Variants in MACROD2 observed in about 807,000 individuals in gnomAD.
The protein encoded by MACROD2 is mono-ADP ribosylhydrolase 2.
In MACROD2, 36 loss-of-function variants were observed where a neutral mutation model predicts 70.4. The ratio of observed to expected loss-of-function variants is 0.51; its 90% CI spans 0.39 to 0.68. MACROD2 has a LOEUF of 0.68. Among genes scored for constraint, MACROD2 ranks in the 30% least tolerant of loss-of-function variants. The pLI is 0.00. For synonymous variants in MACROD2, 172 were observed against 178.8 expected (o/e 0.96, Z 0.30); for missense variants, 496 against 538.4 (o/e 0.92, Z 0.78).
At chr20:15,505,427 C>G (rs543975468) in intron 8 of MACROD2, among the ~76,000 whole-genome samples, 3 of 152,100 alleles carry the variant, frequency 2.0e-5, no homozygotes, top group Non-Finnish European at 4.4e-5. Flanking sequence ...TCTCCTCCTA[C>G]CATCAATTAT....
chr20:15,895,780 C>G (rs1457777094), intron 10 of MACROD2, among the ~76,000 whole-genome samples: 1 of 152,218 alleles, frequency 6.6e-6, no homozygotes, highest in African/African-American at 2.4e-5. Flanking sequence ...CAGATGTTCC[C>G]TGTAGATAAG....
chr20:15,054,288 T>C (rs1268606853), intron 5 of MACROD2, among the ~76,000 whole-genome samples: 1 of 152,210 alleles, frequency 6.6e-6, no homozygotes, highest in East Asian at 1.9e-4. Flanking sequence ...TAGCATTGCA[T>C]GCTACAGAGA....
chr20:14,870,526 T>C (rs1377720550), intron 5 of MACROD2, among the ~76,000 whole-genome samples: 1 of 152,142 alleles, frequency 6.6e-6, no homozygotes, highest in Non-Finnish European at 1.5e-5. Context: ...CACTCTGTCT[T>C]CCACAGTGGT....
intron 3 of MACROD2, among the ~76,000 whole-genome samples, chr20:14,176,682 A>T (rs1601315265): frequency 6.6e-6 from 1 of 152,134 alleles, no homozygotes; most frequent in Non-Finnish European, 1.5e-5. Flanking sequence ...GAAACTTTTA[A>T]TTATGTTTTA....
At chr20:15,378,159 A>C (rs2045589205) in intron 6 of MACROD2, among the ~76,000 whole-genome samples, 1 of 134,634 alleles carries the variant, frequency 7.4e-6, no homozygotes, top group African/African-American at 3.3e-5. Flanking sequence ...AAAAGAAGAG[A>C]GAGAGAGAGA....
At chr20:16,013,198 AAGTTACGTT>A (rs1482198579) in intron 15 of MACROD2, among the ~76,000 whole-genome samples, 1 of 152,134 alleles carries the variant, frequency 6.6e-6, no homozygotes, top group African/African-American at 2.4e-5. Flanking sequence ...GAGAGCTAGA[AAGTTACGTT>A]AGTTATCAAA....
chr20:14,886,548 A>T (rs2073678198), intron 5 of MACROD2, among the ~76,000 whole-genome samples: 1 of 152,118 alleles, frequency 6.6e-6, no homozygotes, highest in Admixed American at 6.5e-5. Flanking sequence ...TTCTCCCATC[A>T]TTTAGCTTTT....
intron 8 of MACROD2, among the ~76,000 whole-genome samples, chr20:15,828,284 A>G (rs2064019165): frequency 6.6e-6 from 1 of 152,182 alleles, no homozygotes; most frequent in Admixed American, 6.5e-5. Context: ...GATAAAACTT[A>G]GTTTGGGGAC....
intron 6 of MACROD2, among the ~76,000 whole-genome samples, chr20:15,345,968 A>G (rs1176779006): frequency 2.0e-5 from 3 of 152,152 alleles, no homozygotes; most frequent in Non-Finnish European, 4.4e-5. Context: ...CCTGGAGATG[A>G]TGTCAATAGG....
intron 8 of MACROD2, among the ~76,000 whole-genome samples, chr20:15,785,376 G>A (rs1336221799): frequency 1.3e-5 from 2 of 152,168 alleles, no homozygotes; most frequent in African/African-American, 4.8e-5. Flanking sequence ...GACTCCTGCC[G>A]TCTTGATTCT....
intron 5 of MACROD2, among the ~76,000 whole-genome samples, chr20:15,068,804 GAC>G (rs998039650): frequency 3.3e-5 from 5 of 152,174 alleles, no homozygotes; most frequent in Non-Finnish European, 7.4e-5. Context: ...AAAATGGACT[GAC>G]ACAGAAAATT....
chr20:15,035,090 A>G (rs1415505440), intron 5 of MACROD2, among the ~76,000 whole-genome samples: 1 of 152,160 alleles, frequency 6.6e-6, no homozygotes, highest in Non-Finnish European at 1.5e-5. Context: ...ACCACTGAAT[A>G]TTATTTAAAA....
At chr20:14,282,945 T>C (rs562506411) in intron 3 of MACROD2, among the ~76,000 whole-genome samples, 8 of 152,280 alleles carry the variant, frequency 5.3e-5, no homozygotes, top group Admixed American at 2.6e-4. Context: ...GGGACAGATA[T>C]TCAATGTATA....
At chr20:15,185,515 A>C (rs1228888855) in intron 5 of MACROD2, among the ~76,000 whole-genome samples, 2 of 152,176 alleles carry the variant, frequency 1.3e-5, no homozygotes, top group Non-Finnish European at 2.9e-5. Flanking sequence ...GTTTCAAGGC[A>C]ATTATGTCAT....
At chr20:14,164,570 G>T (rs1273071786) in intron 3 of MACROD2, among the ~76,000 whole-genome samples, 1 of 152,124 alleles carries the variant, frequency 6.6e-6, no homozygotes, top group Admixed American at 6.5e-5. Flanking sequence ...GTCTGTGCTG[G>T]TGTTGGCAGT....
chr20:15,158,355 A>G (rs919174443), intron 5 of MACROD2, among the ~76,000 whole-genome samples: 1 of 152,312 alleles, frequency 6.6e-6, no homozygotes, highest in East Asian at 1.9e-4. Flanking sequence ...GCAGTTTAGA[A>G]AATGTTTTTG....
chr20:15,089,876 G>A (rs2075780048), intron 5 of MACROD2, among the ~76,000 whole-genome samples: 1 of 152,092 alleles, frequency 6.6e-6, no homozygotes. Flanking sequence ...GAAGTATCTG[G>A]CTCATAGGAA....
chr20:15,887,515 A>G (rs759304461), intron 10 of MACROD2, among the ~76,000 whole-genome samples: 1 of 152,236 alleles, frequency 6.6e-6, no homozygotes, highest in South Asian at 2.1e-4. Flanking sequence ...GAAAGTCCTT[A>G]TGACTCTCTG....
At chr20:16,006,930 A>T (rs1206604544) in intron 15 of MACROD2, among the ~76,000 whole-genome samples, 1 of 152,178 alleles carries the variant, frequency 6.6e-6, no homozygotes, top group Non-Finnish European at 1.5e-5. Context: ...TTGAACAGTG[A>T]TGCATAGGTA....
Sources: allele counts gnomAD v4.1 joint callset (sites outside exome capture counted in the v4.1 genomes callset), GRCh38; gene constraint gnomAD v4.1.1; transcripts MANE v1.5; gene names NCBI Gene and HGNC (gene_info 2026-07-23, HGNC 2026-07-21).